Variants in ALMS1 observed in about 807,000 individuals in gnomAD.
The protein encoded by ALMS1 is ALMS1 centrosome and basal body associated protein, also known as centrosome-associated protein ALMS1.
ALMS1 carries 271 observed loss-of-function variants against 352.2 expected under a neutral mutation model. That is an observed-to-expected ratio of 0.77 (90% CI 0.70 to 0.85). The LOEUF (loss-of-function observed/expected upper bound fraction) is 0.85, where lower values mean the gene tolerates loss of function less well. Ranked by LOEUF, ALMS1 falls within the 40% of genes least tolerant of loss-of-function variation. The probability of loss-of-function intolerance (pLI) is 0.00; values close to 1 mark genes in which losing one functional copy is unlikely to be tolerated. For synonymous variants in ALMS1, 1,865 were observed against 1,761.2 expected, an observed-to-expected ratio of 1.06 and a Z score of -1.48; for missense variants, 5,445 against 4,870.7, an observed-to-expected ratio of 1.12 and a Z score of -3.51.
intron 6 of ALMS1, among the ~76,000 whole-genome samples, chr2:73,428,568 TG>T (rs1285454196): frequency 1.3e-5 from 2 of 152,204 alleles, no homozygotes; most frequent in Non-Finnish European, 2.9e-5. Context: ...GTAGATAAAA[TG>T]TATTTTAAAA....
chr2:73,586,889 A>G (rs1305709783), intron 16 of ALMS1, among the ~76,000 whole-genome samples: 2 of 152,148 alleles, frequency 1.3e-5, no homozygotes, highest in Non-Finnish European at 1.5e-5. Context: ...AGCATGGGAT[A>G]GGTTTCCATT....
rs546355809 is a variant in ALMS1 at position 73,472,906 on chromosome 2, G to A, written c.7675-16728G>A. On this transcript the variant is annotated intron_variant, in intron 9 of 22. Transcript: ENST00000613296. ...GCTTGTCTGTCATCACGTGTCAAAA[G>A]TATTTAAAAGCCAGAGTATCAGCTG... is the stretch of plus-strand genomic sequence containing the variant. Among the ~76,000 whole-genome samples, 14 of 152,200 alleles carry A rather than the reference G, an allele frequency of 9.2e-5. No homozygotes were observed. In the South Asian group the frequency reaches 2.7e-3, roughly 29 times the overall value.
Position 73,489,626 on chromosome 2 carries a change from T to C in ALMS1, c.7675-8T>C. ...TCAAATAAGAACCTGTTTGTTTGTA[T>C]CTTCTAGGGTTTACAGAGTCCACGG... is the stretch of plus-strand genomic sequence containing the variant. On this transcript the variant is annotated splice_region_variant and splice_polypyrimidine_tract_variant and intron_variant, in intron 9 of 22. Transcript: ENST00000613296. 3 of 1,614,140 alleles carry C rather than the reference T, an allele frequency of 1.9e-6. No homozygotes were observed. The highest frequency in any genetic ancestry group is 2.5e-6 in the Non-Finnish European group (3 of 1,180,022).
rs551840069 is a variant in ALMS1, at chr2:73,534,870, G to A, written c.9828G>A (p.Met3276Ile). Residue 3276 changes from methionine (M) to isoleucine (I), a missense_variant, in exon 12 of 23, where the codon ATG becomes ATA. Coordinates refer to ENST00000613296, the MANE Select transcript of ALMS1 (RefSeq NM_001378454.1). ...ATAAGCCTTCTGGTAGTACCAAGAT[G>A]TATTATGTTCCACAATTAAGACAAA... The part of the protein sequence containing the change: ...LPYKPSGSTK[M>I]YYVPQLRQIP... The A allele has an allele frequency of 6.2e-6, 10 of 1,613,676 alleles. No individual in the cohort carries two copies. In the East Asian group the frequency reaches 2.2e-4, roughly 36 times the overall value.
chr2:73,538,442 C>T (rs1055020839), intron 12 of ALMS1, among the ~76,000 whole-genome samples: 2 of 152,172 alleles, frequency 1.3e-5, no homozygotes, highest in African/African-American at 2.4e-5. Context: ...CTCCAGTCTG[C>T]AGCTCCCAGT....
intron 9 of ALMS1, among the ~76,000 whole-genome samples, chr2:73,479,000 C>A (rs2103859852): frequency 6.6e-6 from 1 of 152,252 alleles, no homozygotes; most frequent in East Asian, 1.9e-4. Flanking sequence ...TCATCCATGT[C>A]CCAGCAAAGG....
In ALMS1 at chr2:73,386,090, G is replaced by A; in HGVS notation, c.222G>A (p.Glu74=). 1 of 1,596,172 alleles carries A rather than the reference G, an allele frequency of 6.3e-7. No individual in the cohort carries two copies. The highest frequency in any genetic ancestry group is 8.5e-7 in the Non-Finnish European group (1 of 1,171,922). Reference sequence around the variant, plus strand: ...AAAGTATAGACGACGAGGAGGACGAGGAGGCCAAGGCCTGGCTGCAGGCGC... The same window carrying A: ...AAAGTATAGACGACGAGGAGGACGAAGAGGCCAAGGCCTGGCTGCAGGCGC... ...HLESIDDEED[E]EAKAWLQAHP... The change falls in exon 1 of 23, where the codon GAG becomes GAA. Residue 74 remains glutamate (E), a synonymous_variant. Coordinates refer to ENST00000613296, the MANE Select transcript of ALMS1 (RefSeq NM_001378454.1).
intron 11 of ALMS1, among the ~76,000 whole-genome samples, chr2:73,531,773 T>TA (rs1572999108): frequency 6.6e-6 from 1 of 152,206 alleles, no homozygotes; most frequent in East Asian, 1.9e-4. Context: ...TCAGGAAACT[T>TA]ACAATCATGG....
intron 21 of ALMS1, 57 bp from the exon 22 acceptor site, chr2:73,608,418 A>T (rs1675866218): frequency 7.3e-7 from 1 of 1,366,072 alleles, no homozygotes; most frequent in Non-Finnish European, 1.0e-6. Context: ...AGATCTCATG[A>T]CTCTGCACCC....
intron 9 of ALMS1, among the ~76,000 whole-genome samples, chr2:73,463,858 A>C (rs1672264097): frequency 2.7e-5 from 4 of 150,604 alleles, no homozygotes; most frequent in Admixed American, 2.6e-4. Context: ...GAAATGGACA[A>C]ATTCTTTGAC....
chr2:73,473,380 A>C (rs1289376870), intron 9 of ALMS1, among the ~76,000 whole-genome samples: 1 of 152,120 alleles, frequency 6.6e-6, no homozygotes, highest in African/African-American at 2.4e-5. Flanking sequence ...CAAAGAATGT[A>C]AGCTTTATGA....
At chr2:73,468,987 C>G (rs1357710468) in intron 9 of ALMS1, among the ~76,000 whole-genome samples, 5 of 151,870 alleles carry the variant, frequency 3.3e-5, no homozygotes, top group Admixed American at 3.3e-4. Context: ...TCTTAGATTG[C>G]TTGTCAAAAA....
At chr2:73,432,941 C>T (rs1439240894) in intron 7 of ALMS1, among the ~76,000 whole-genome samples, 2 of 151,930 alleles carry the variant, frequency 1.3e-5, no homozygotes, top group African/African-American at 4.8e-5. Context: ...TTGATTGAGC[C>T]CAAGATGACA....
Position 73,453,555 on chromosome 2 carries a change from A to G in ALMS1, c.7028A>G (p.Lys2343Arg). The change falls in exon 8 of 23, where the codon AAA (lysine) becomes AGA (arginine). Residue 2343 changes from lysine to arginine, a missense_variant. Transcript: ENST00000613296. ...QKDIGTQTNL[K>R]CRRGIENWEF... Reference sequence around the variant, plus strand: ...GATATTGGCACACAGACGAATTTGAAATGCCGGAGAGGCATTGAAAATTGG... The same window carrying G: ...GATATTGGCACACAGACGAATTTGAGATGCCGGAGAGGCATTGAAAATTGG... 6.2e-7 allele frequency: 1 copy of G among 1,613,908 alleles called. No homozygotes were observed.
At chr2:73,573,536 C>G (rs1558700085) in intron 16 of ALMS1, 112 bp downstream of exon 16, 8 of 1,044,352 alleles carry the variant, frequency 7.7e-6, no homozygotes, top group Non-Finnish European at 8.8e-6. Context: ...CCTCTCTATA[C>G]CATTTCTTAC....
At chr2:73,500,506 C>CT (rs764433664) in intron 10 of ALMS1, among the ~76,000 whole-genome samples, 5 of 152,146 alleles carry the variant, frequency 3.3e-5, no homozygotes, top group Non-Finnish European at 7.4e-5. Context: ...TTCTTCAGAA[C>CT]TTTAGGCTCC....
chr2:73,601,471 G>A, intron 19 of ALMS1, 35 bp downstream of exon 19: 1 of 1,609,092 alleles, frequency 6.2e-7, no homozygotes, highest in South Asian at 1.1e-5. Context: ...AATGCTACGT[G>A]TAGGGAGAAG....
At chr2:73,565,665 TC>T (rs1265145562) in intron 15 of ALMS1, among the ~76,000 whole-genome samples, 2 of 152,214 alleles carry the variant, frequency 1.3e-5, no homozygotes, top group African/African-American at 2.4e-5. Context: ...AGCCGGGTCA[TC>T]AAGATCATCA....
chr2:73,562,298 T>C (rs889252377), intron 15 of ALMS1, among the ~76,000 whole-genome samples: 3 of 152,122 alleles, frequency 2.0e-5, no homozygotes, highest in African/African-American at 2.4e-5. Flanking sequence ...GTAGAGTAGC[T>C]GGGACTGTAG....
Sources: allele counts gnomAD v4.1 joint callset (sites outside exome capture counted in the v4.1 genomes callset), GRCh38; gene constraint gnomAD v4.1.1; transcripts MANE v1.5; gene names NCBI Gene and HGNC (gene_info 2026-07-23, HGNC 2026-07-21).